CTNNA2: variants seen among roughly 807,000 people sequenced by gnomAD.
CTNNA2 encodes the protein catenin alpha-2.
In CTNNA2, 42 loss-of-function variants were observed where a neutral mutation model predicts 101.0. The observed-to-expected ratio is 0.42, with a 90% confidence interval of 0.32 to 0.54. The LOEUF is 0.54. CTNNA2 is among the 20% of genes least tolerant of loss of function. CTNNA2 has a pLI of 0.14. For missense variants in CTNNA2, 871 were observed against 1,223.1 expected, an observed-to-expected ratio of 0.71 and a Z score of 4.29; for synonymous variants, 450 against 456.4, an observed-to-expected ratio of 0.99 and a Z score of 0.18.
chr2:79,835,866 C>T (rs4608547), intron 3 of CTNNA2, among the ~76,000 whole-genome samples: 70,426 of 151,328 alleles, frequency 0.47, 16,828 homozygotes, highest in African/African-American at 0.57. Context: ...CTCTTGACCT[C>T]GTGATCCACC....
At chr2:79,847,906 A>C (rs908891458) in intron 3 of CTNNA2, among the ~76,000 whole-genome samples, 1 of 152,106 alleles carries the variant, frequency 6.6e-6, no homozygotes, top group African/African-American at 2.4e-5. Context: ...TGTGGCATTG[A>C]TTCTTGTTTT....
chr2:80,498,219 C>G (rs778452044), intron 9 of CTNNA2, among the ~76,000 whole-genome samples: 21 of 152,158 alleles, frequency 1.4e-4, no homozygotes, highest in Non-Finnish European at 2.6e-4. Flanking sequence ...CTCCCATTAT[C>G]ACAGACTTTC....
intron 7 of CTNNA2, among the ~76,000 whole-genome samples, chr2:80,234,613 C>A (rs2149081151): frequency 6.6e-6 from 1 of 152,138 alleles, no homozygotes; most frequent in South Asian, 2.1e-4. Context: ...TTACCACAGG[C>A]AAAGTCTCAG....
At chr2:80,529,825 G>C (rs74639185) in intron 9 of CTNNA2, among the ~76,000 whole-genome samples, 2,163 of 152,292 alleles carry the variant, frequency 0.014, 54 homozygotes, top group African/African-American at 0.049. Flanking sequence ...CACCCAGACT[G>C]ATTCAGCGAG....
At chr2:80,405,110 A>G (rs1242785921) in intron 8 of CTNNA2, among the ~76,000 whole-genome samples, 4 of 152,180 alleles carry the variant, frequency 2.6e-5, no homozygotes, top group Non-Finnish European at 4.4e-5. Context: ...ATAATCAGCC[A>G]TCTTGATCAT....
chr2:80,223,654 C>G (rs961929313), intron 7 of CTNNA2, among the ~76,000 whole-genome samples: 11 of 152,172 alleles, frequency 7.2e-5, no homozygotes, highest in African/African-American at 2.7e-4. Flanking sequence ...GTTCTTGTCA[C>G]AGGACACTCT....
chr2:80,500,376 C>A (rs1687790178), intron 9 of CTNNA2, among the ~76,000 whole-genome samples: 1 of 152,108 alleles, frequency 6.6e-6, no homozygotes, highest in Admixed American at 6.5e-5. Context: ...ATTATCCATC[C>A]ATTCATTCAT....
chr2:79,802,696 T>C (rs947545912), intron 3 of CTNNA2, among the ~76,000 whole-genome samples: 2 of 152,256 alleles, frequency 1.3e-5, no homozygotes, highest in African/African-American at 2.4e-5. Context: ...AGATTAATAT[T>C]ATACATTTGT....
intron 7 of CTNNA2, among the ~76,000 whole-genome samples, chr2:79,910,391 A>G (rs985401524): frequency 2.0e-5 from 3 of 152,198 alleles, no homozygotes; most frequent in Admixed American, 6.5e-5. Flanking sequence ...ATTTTGGCAC[A>G]TAATAGCCAT....
intron 9 of CTNNA2, among the ~76,000 whole-genome samples, chr2:80,445,852 GCATGTAGCCGT>G (rs1683029004): frequency 6.6e-6 from 1 of 152,158 alleles, no homozygotes; most frequent in African/African-American, 2.4e-5. Context: ...AGCTGGCTAA[GCATGTAGCCGT>G]CAAGATCAGG....
chr2:80,135,468 T>G (rs1032675690), intron 7 of CTNNA2, among the ~76,000 whole-genome samples: 10 of 152,190 alleles, frequency 6.6e-5, no homozygotes, highest in Admixed American at 6.6e-4. Context: ...CAGACAGAAT[T>G]CAGAGGTCTG....
chr2:80,642,228 T>C (rs1288828525), intron 18 of CTNNA2, among the ~76,000 whole-genome samples: 1 of 152,180 alleles, frequency 6.6e-6, no homozygotes, highest in Non-Finnish European at 1.5e-5. Flanking sequence ...CAACAACCTC[T>C]TATTAAAGAG....
intron 1 of CTNNA2, among the ~76,000 whole-genome samples, chr2:79,185,936 G>GT (rs531835012): frequency 6.6e-6 from 1 of 152,158 alleles, no homozygotes; most frequent in Non-Finnish European, 1.5e-5. Flanking sequence ...TCAGATATAT[G>GT]TTTTTTAAGA....
chr2:79,451,552 G>A (rs1670748132), intron 4 of CTNNA2, among the ~76,000 whole-genome samples: 1 of 151,882 alleles, frequency 6.6e-6, no homozygotes, highest in Non-Finnish European at 1.5e-5. Flanking sequence ...TACAGATGAA[G>A]AGACTGGAGT....
chr2:79,248,381 A>ACCTAATATAATCTATTATATAT (rs1674724700), intron 2 of CTNNA2, among the ~76,000 whole-genome samples: 1 of 151,150 alleles, frequency 6.6e-6, no homozygotes, highest in Admixed American at 6.6e-5. Flanking sequence ...TATATCAAAA[A>ACCTAATATAATCTATTATATAT]AGTATAATTT....
intron 15 of CTNNA2, among the ~76,000 whole-genome samples, chr2:80,593,693 C>T (rs1358321834): frequency 2.0e-5 from 3 of 152,128 alleles, no homozygotes; most frequent in Non-Finnish European, 4.4e-5. Context: ...TTGACTAATA[C>T]AGGTATCTCA....
chr2:79,788,885 A>G (rs1675051867), intron 3 of CTNNA2, among the ~76,000 whole-genome samples: 2 of 152,222 alleles, frequency 1.3e-5, no homozygotes, highest in Admixed American at 6.5e-5. Context: ...ACACAAAGCA[A>G]TTGGAAAAAA....
intron 2 of CTNNA2, among the ~76,000 whole-genome samples, chr2:79,668,481 G>T (rs1029928349): frequency 6.6e-6 from 1 of 152,042 alleles, no homozygotes; most frequent in African/African-American, 2.4e-5. Flanking sequence ...GTGAATGATA[G>T]TATTAAGTTT....
chr2:80,484,638 A>G (rs1376176055), intron 9 of CTNNA2, among the ~76,000 whole-genome samples: 1 of 152,182 alleles, frequency 6.6e-6, no homozygotes, highest in East Asian at 1.9e-4. Context: ...TTTGATACCA[A>G]ATAATAAACA....
Sources: allele counts gnomAD v4.1 joint callset (sites outside exome capture counted in the v4.1 genomes callset), GRCh38; gene constraint gnomAD v4.1.1; transcripts MANE v1.5; gene names NCBI Gene and HGNC (gene_info 2026-07-23, HGNC 2026-07-21).